The following C9orf85 variants were observed in gnomAD, a reference collection of about 807,000 sequenced individuals.
The protein encoded by C9orf85 is uncharacterized protein C9orf85.
Under a neutral mutation model 14.9 loss-of-function variants are expected in C9orf85, and 16 were observed. The observed-to-expected ratio is 1.08, with a 90% CI of 0.73 to 1.63. The LOEUF (loss-of-function observed/expected upper bound fraction) is 1.63. C9orf85 is among the 40% of genes most tolerant of loss of function. C9orf85 has a pLI of 0.00. For missense variants in C9orf85, 172 were observed against 186.1 expected (o/e 0.92, Z 0.44); for synonymous variants, 45 against 56.8 (o/e 0.79, Z 0.93).
intron 2 of C9orf85, among the ~76,000 whole-genome samples, chr9:71,959,102 A>G (rs1011538308): frequency 2.6e-5 from 4 of 151,964 alleles, no homozygotes; most frequent in East Asian, 1.9e-4. Flanking sequence ...GAGTGGACAA[A>G]TAAGATATTT....
At position 71,912,104 on chromosome 9, in the gene C9orf85, G is replaced by A. The variant is rs1827516365; in HGVS notation, c.102+268G>A. The A allele has an allele frequency of 6.5e-6, 3 of 460,046 alleles. No individual in the cohort carries two copies. In the East Asian group the frequency reaches 1.3e-4, roughly 21 times the overall value. 28.5% of individuals were successfully genotyped at this position (460,046 alleles called of 1,614,324 possible). A position where few individuals can be genotyped will look rare whatever the true frequency, so the allele number is the denominator to read the frequency against. On this transcript the variant is annotated intron_variant, in intron 1 of 3. Transcript: ENST00000334731. ...CCCTAATGAAATCTAAGGTGCAGATGGGGCAGTTACGTCGTTCAGCGTTCC... is the reference window on the plus strand; with the variant it reads ...CCCTAATGAAATCTAAGGTGCAGATAGGGCAGTTACGTCGTTCAGCGTTCC...
At chr9:71,932,617 A>T (rs1171709356) in intron 1 of C9orf85, among the ~76,000 whole-genome samples, 1 of 152,208 alleles carries the variant, frequency 6.6e-6, no homozygotes, top group Non-Finnish European at 1.5e-5. Flanking sequence ...TACGATAATA[A>T]AAAACAAAAC....
intron 1 of C9orf85, among the ~76,000 whole-genome samples, chr9:71,929,183 G>T (rs1412340764): frequency 6.6e-6 from 1 of 152,060 alleles, no homozygotes; most frequent in African/African-American, 2.4e-5. Flanking sequence ...AAAATCATTT[G>T]GTTTGTGGAC....
chr9:71,974,003 T>C (rs1257679748), downstream of C9orf85, among the ~76,000 whole-genome samples: 1 of 151,834 alleles, frequency 6.6e-6, no homozygotes, highest in African/African-American at 2.4e-5. Context: ...CTCAGCTCAC[T>C]GCAACCTCCA....
At chr9:71,933,396 CT>C (rs1828115057) in intron 1 of C9orf85, among the ~76,000 whole-genome samples, 1 of 152,098 alleles carries the variant, frequency 6.6e-6, no homozygotes, top group African/African-American at 2.4e-5. Flanking sequence ...AATAATCCCC[CT>C]GTTATATGCA....
intron 1 of C9orf85, among the ~76,000 whole-genome samples, chr9:71,943,413 C>T (rs754468847): frequency 3.9e-5 from 6 of 152,106 alleles, no homozygotes; most frequent in African/African-American, 7.2e-5. Context: ...GTAGTATCTT[C>T]CTTCTGTTAA....
chr9:71,961,239 G>A (rs1206848036), intron 2 of C9orf85, among the ~76,000 whole-genome samples: 1 of 151,968 alleles, frequency 6.6e-6, no homozygotes, highest in African/African-American at 2.4e-5. Flanking sequence ...ACAGGCTGAG[G>A]CTCTGAAGGT....
intron 2 of C9orf85, among the ~76,000 whole-genome samples, chr9:71,952,374 C>G (rs544057800): frequency 6.6e-6 from 1 of 151,198 alleles, no homozygotes; most frequent in East Asian, 1.9e-4. Context: ...TTTATTCATT[C>G]TATTTTTTGA....
intron 1 of C9orf85, among the ~76,000 whole-genome samples, chr9:71,935,212 A>C (rs1467551596): frequency 6.6e-6 from 1 of 152,204 alleles, no homozygotes; most frequent in Non-Finnish European, 1.5e-5. Context: ...GTGGCTACTC[A>C]GAAAATTAAA....
chr9:71,948,738 G>A (rs1969813), intron 2 of C9orf85, among the ~76,000 whole-genome samples: 140,817 of 150,464 alleles, frequency 0.94, 66,554 homozygotes, highest in East Asian at 1. Context: ...TGGCCAGGCC[G>A]GTCTCAAACT....
rs954129156 is a variant in C9orf85 at position 71,971,711 on chromosome 9, C to T, written c.323+93C>T. The T allele has an allele frequency of 1.3e-4, 106 of 808,102 alleles. 1 individual carries two copies. In the South Asian group the frequency reaches 1.5e-3, roughly 11 times the overall value. 50.1% of individuals were successfully genotyped at this position (808,102 alleles called of 1,614,324 possible). A position where few individuals can be genotyped will look rare whatever the true frequency, so the allele number is the denominator to read the frequency against. On this transcript the variant is annotated intron_variant, in intron 3 of 3. Transcript: ENST00000334731. ...GATCCTTGCTAGGCGCAGTGGCTCA[C>T]GCCTGTAATCCCAGTACTTTGGGAG...
chr9:71,916,354 TG>T (rs1321611696), intron 1 of C9orf85, among the ~76,000 whole-genome samples: 1 of 152,166 alleles, frequency 6.6e-6, no homozygotes, highest in Non-Finnish European at 1.5e-5. Flanking sequence ...CCCAAGGTCA[TG>T]TATCTTCTTC....
At chr9:71,959,155 G>A (rs1342150339) in intron 2 of C9orf85, among the ~76,000 whole-genome samples, 3 of 144,254 alleles carry the variant, frequency 2.1e-5, no homozygotes, top group African/African-American at 7.7e-5. Flanking sequence ...TTTCTTTTTT[G>A]GGACAGAGTT....
rs992758622 is a variant in C9orf85 at position 71,923,747 on chromosome 9, C to T, written c.102+11911C>T. 5.1e-4 allele frequency among the ~76,000 whole-genome samples: 78 copies of T among 152,106 alleles called. 1 individual carries two copies. Among genetic ancestry groups the T allele is most frequent in the Non-Finnish European group, 6.3e-4 (43 of 68,032 alleles). On this transcript the variant is annotated intron_variant, in intron 1 of 3. Coordinates refer to ENST00000334731, the MANE Select transcript of C9orf85 (RefSeq NM_182505.5). ...TCTATCAAACTACCAATGTCTGTAC[C>T]CATATATTTTATTTTATTATTACCG...
intron 2 of C9orf85, among the ~76,000 whole-genome samples, chr9:71,969,063 T>C (rs1168654336): frequency 6.6e-6 from 1 of 152,182 alleles, no homozygotes; most frequent in African/African-American, 2.4e-5. Flanking sequence ...GAAGGTTGTT[T>C]ACTGAAACTA....
chr9:71,981,952 C>T (rs1220680667), intron 3 of C9orf85, among the ~76,000 whole-genome samples: 4 of 152,226 alleles, frequency 2.6e-5, no homozygotes, highest in Non-Finnish European at 4.4e-5. Context: ...TATAATTTAA[C>T]GATTTGGTAA....
At chr9:71,916,188 T>C (rs1306608579) in intron 1 of C9orf85, among the ~76,000 whole-genome samples, 1 of 152,122 alleles carries the variant, frequency 6.6e-6, no homozygotes, top group Non-Finnish European at 1.5e-5. Context: ...CTTGATTATG[T>C]TTGGAGGGTT....
chr9:71,952,622 C>G (rs934867365), intron 2 of C9orf85, among the ~76,000 whole-genome samples: 9 of 152,158 alleles, frequency 5.9e-5, no homozygotes, highest in African/African-American at 2.2e-4. Context: ...CTCAGCCTCC[C>G]CAAGTGCTGG....
At chr9:71,930,653 A>C (rs1157170046) in intron 1 of C9orf85, among the ~76,000 whole-genome samples, 1 of 151,576 alleles carries the variant, frequency 6.6e-6, no homozygotes. Flanking sequence ...AAAAAAAAAA[A>C]AAATAGCCAG....
Sources: gnomAD v4.1 joint callset for allele counts (sites outside exome capture counted in the v4.1 genomes callset) on GRCh38, gnomAD v4.1.1 for gene constraint, MANE v1.5 for transcripts, NCBI Gene and HGNC (gene_info 2026-07-23, HGNC 2026-07-21) for gene names.